PRR30: variants seen among roughly 807,000 people sequenced by gnomAD.
The protein encoded by PRR30 is proline-rich protein 30.
For missense variants in PRR30, 546 were observed against 525.3 expected (o/e 1.04, Z -0.39); for synonymous variants, 229 against 222.7 (o/e 1.03, Z -0.25).
In PRR30 at chr2:27,137,197, G is replaced by A. The variant is rs777036721; in HGVS notation, c.1133C>T (p.Pro378Leu). 6.2e-7 allele frequency: 1 copy of A among 1,614,194 alleles called. No individual in the cohort carries two copies. The highest frequency in any genetic ancestry group is 8.5e-7 in the Non-Finnish European group (1 of 1,180,018). The change falls in exon 3 of 3, where the codon CCA becomes CTA. Residue 378 changes from proline (P) to leucine (L), a missense_variant. By Grantham distance (98) the Pro-to-Leu change is moderately conservative (BLOSUM62 -3). Transcript: ENST00000335524. This position sits in a 1 kb window ranked among gnomAD's most constrained non-coding sequence, Gnocchi z 4.3. ...PNSPRCFSGP[P>L]PRAPKQVTTS... is the part of the protein sequence containing the mutation. The stretch of plus-strand genomic sequence containing the variant: ...AGTGACCTGTTTTGGTGCCCGAGGT[G>A]GAGGCCCGGAGAAACATCGTGGGGA...
Position 27,138,496 on chromosome 2 carries a change from A to G in PRR30, c.-167T>C. 1 of 1,371,894 alleles carries G rather than the reference A, an allele frequency of 7.3e-7. No homozygotes were observed. Among genetic ancestry groups the G allele is most frequent in the Admixed American group, 2.9e-5 (1 of 34,500 alleles). The allele number at this position is 1,371,894 out of a possible 1,614,324, so 85.0% of individuals were successfully genotyped here. Reference sequence around the variant, plus strand: ...GGGTGCAGGTGCTGGTGGCAGGCCAAGGGGATACCCAGCCCTCCAGCACCA... The same window carrying G: ...GGGTGCAGGTGCTGGTGGCAGGCCAGGGGGATACCCAGCCCTCCAGCACCA... On this transcript the variant is annotated 5_prime_UTR_variant, in exon 3 of 3. Coordinates refer to ENST00000335524, the MANE Select transcript of PRR30 (RefSeq NM_178553.4).
rs766147706 is a variant in PRR30 at position 27,138,010 on chromosome 2, C to T, written c.320G>A (p.Arg107His). The T allele has an allele frequency of 5.6e-5, 91 of 1,611,982 alleles. No homozygotes were observed. In the East Asian group the frequency reaches 1.5e-3, roughly 27 times the overall value. Reference sequence around the variant, plus strand: ...GTTGGAGGGAGAGGATGCACGTGGACGGGGGAGAGAGAGGTAGTTCTGGTG... The same window carrying T: ...GTTGGAGGGAGAGGATGCACGTGGATGGGGGAGAGAGAGGTAGTTCTGGTG... ...FFHQNYLSLP[R>H]PRASSPSNHW... Residue 107 changes from arginine to histidine, a missense_variant, in exon 3 of 3, where the codon CGT becomes CAT. By Grantham distance (29) the Arg-to-His change is conservative (BLOSUM62 0). Coordinates refer to ENST00000335524, the MANE Select transcript of PRR30 (RefSeq NM_178553.4).
intron 2 of PRR30, 100 bp from the exon 3 acceptor site, chr2:27,138,794 A>C: frequency 5.8e-6 from 1 of 171,128 alleles, no homozygotes; most frequent in Non-Finnish European, 1.4e-5. Context: ...AAGACTTTAA[A>C]TCCATGTCAC....
Position 27,137,220 on chromosome 2 carries a change from GGA to G in PRR30, c.1108_1109del (p.Ser370ProfsTer102), listed in dbSNP as rs1465106607. ...FRSAGLQSPNSPRCFSGPPPR... is the reference protein window; with the variant it reads ...FRSAGLQSPNXPRCFSGPPPR... ...GTGGAGGCCCGGAGAAACATCGTGG[GGA>G]GTTTGGTGATTGAAGGCCTGCAGAC... On this transcript the variant is annotated frameshift_variant, in exon 3 of 3. Transcript: ENST00000335524. LOFTEE classifies it low-confidence loss of function (END_TRUNC). The surrounding 1 kb of genome is among the most constrained non-coding windows in gnomAD (Gnocchi z 4.3). The G allele has an allele frequency of 6.2e-7, 1 of 1,614,212 alleles. No homozygotes were observed. The highest frequency in any genetic ancestry group is 2.2e-5 in the East Asian group (1 of 44,882).
In PRR30 at chr2:27,137,352, C is replaced by T; in HGVS notation, c.978G>A (p.Lys326=). The T allele has an allele frequency of 5.0e-6, 8 of 1,614,216 alleles. No individual in the cohort carries two copies. Among genetic ancestry groups the T allele is most frequent in the Non-Finnish European group, 6.8e-6 (8 of 1,180,040 alleles). The change falls in exon 3 of 3, where the codon AAG becomes AAA. Residue 326 remains lysine (K), a synonymous_variant. Transcript: ENST00000335524. The surrounding 1 kb of genome is among the most constrained non-coding windows in gnomAD (Gnocchi z 4.3). The part of the protein sequence containing the change: ...KRPKEAGPQG[K]ATQACGHQLP... ...ATTGATGCCCACAGGCCTGAGTAGC[C>T]TTGCCCTGAGGCCCTGCTTCCTTCG...
At position 27,138,084 on chromosome 2, in the gene PRR30, A is replaced by T; in HGVS notation, c.246T>A (p.Phe82Leu). The change falls in exon 3 of 3, where the codon TTT (phenylalanine) becomes TTA (leucine). Residue 82 changes from phenylalanine to leucine, a missense_variant. By Grantham distance (22) the Phe-to-Leu change is conservative. Transcript: ENST00000335524. ...GAGAGGGAGAATAGGGATGTGGAGC[A>T]AAGTCAGAATTTGAGTCACAAGAGC... is the stretch of plus-strand genomic sequence containing the variant. ...QFGSCDSNSDFAPHPYSPSLP... is the reference protein window; with the variant it reads ...QFGSCDSNSDLAPHPYSPSLP... The T allele has an allele frequency of 1.2e-6, 2 of 1,614,064 alleles. No individual in the cohort carries two copies. The highest frequency in any genetic ancestry group is 1.7e-6 in the Non-Finnish European group (2 of 1,180,016).
rs145196119 is a variant in PRR30 at position 27,137,216 on chromosome 2, G to A, written c.1114C>T (p.Arg372Ter). 7.7e-5 allele frequency: 124 copies of A among 1,614,218 alleles called. 1 individual carries two copies. The African/African-American group carries it at 1.2e-3, about 16-fold the overall frequency. Residue 372 changes from arginine to a stop codon, truncating the protein, a stop_gained, in exon 3 of 3, where the codon CGA (arginine) becomes TGA (stop). Transcript: ENST00000335524. LOFTEE classifies it low-confidence loss of function (END_TRUNC). This position sits in a 1 kb window ranked among gnomAD's most constrained non-coding sequence, Gnocchi z 4.3. ...SAGLQSPNSP[R>*]CFSGPPPRAP... The stretch of plus-strand genomic sequence containing the variant: ...CGAGGTGGAGGCCCGGAGAAACATC[G>A]TGGGGAGTTTGGTGATTGAAGGCCT...
chr2:27,137,325 C>T lies in PRR30; in HGVS notation c.1005G>A (p.Leu335=). The T allele has an allele frequency of 6.2e-7, 1 of 1,614,210 alleles. No homozygotes were observed. The highest frequency in any genetic ancestry group is 8.5e-7 in the Non-Finnish European group (1 of 1,180,032). The part of the protein sequence containing the change: ...GKATQACGHQ[L]PASQPPAAQA... Reference sequence around the variant, plus strand: ...GAGCTGCTGGAGGCTGAGATGCTGGCAATTGATGCCCACAGGCCTGAGTAG... The same window carrying T: ...GAGCTGCTGGAGGCTGAGATGCTGGTAATTGATGCCCACAGGCCTGAGTAG... Residue 335 remains leucine, a synonymous_variant, in exon 3 of 3, where the codon TTG becomes TTA. Coordinates refer to ENST00000335524, the MANE Select transcript of PRR30 (RefSeq NM_178553.4). The surrounding 1 kb of genome is among the most constrained non-coding windows in gnomAD (Gnocchi z 4.3).
At position 27,138,157 on chromosome 2, in the gene PRR30, C is replaced by A. The variant is rs538214448; in HGVS notation, c.173G>T (p.Arg58Leu). Reference sequence around the variant, plus strand: ...GGATGCTGGTGGAGGGGAGGAGGGACGACGGGACTGAGTGGAAGAGAACGG... The same window carrying A: ...GGATGCTGGTGGAGGGGAGGAGGGAAGACGGGACTGAGTGGAAGAGAACGG... ...QPPFSSTQSRRPSSPPPASPS... is the reference protein window; with the variant it reads ...QPPFSSTQSRLPSSPPPASPS... Residue 58 changes from arginine (R) to leucine (L), a missense_variant, in exon 3 of 3, where the codon CGT becomes CTT. Transcript: ENST00000335524. 3 of 1,613,434 alleles carry A rather than the reference C, an allele frequency of 1.9e-6. No homozygotes were observed. The highest frequency in any genetic ancestry group is 1.6e-4 in the Middle Eastern group (1 of 6,062).
rs113380452 is a variant in PRR30, at chr2:27,138,111, G to T, written c.219C>A (p.Phe73Leu). ...PPASPSPGFQ[F>L]GSCDSNSDFA... Reference sequence around the variant, plus strand: ...AGTCAGAATTTGAGTCACAAGAGCCGAATTGGAAGCCAGGAGAGGGGGATG... The same window carrying T: ...AGTCAGAATTTGAGTCACAAGAGCCTAATTGGAAGCCAGGAGAGGGGGATG... The change falls in exon 3 of 3, where the codon TTC becomes TTA. Residue 73 changes from phenylalanine (F) to leucine (L), a missense_variant. Physicochemically the swap from Phe to Leu is conservative, Grantham distance 22 (BLOSUM62 0). Transcript: ENST00000335524. The T allele has an allele frequency of 2.5e-6, 4 of 1,613,990 alleles. No homozygotes were observed. In the African/African-American group the frequency reaches 4.0e-5, roughly 16 times the overall value.
At position 27,137,525 on chromosome 2, in the gene PRR30, T is replaced by C; in HGVS notation, c.805A>G (p.Arg269Gly). 3 of 1,592,604 alleles carry C rather than the reference T, an allele frequency of 1.9e-6. No homozygotes were observed. The highest frequency in any genetic ancestry group is 1.7e-6 in the Non-Finnish European group (2 of 1,168,844). Residue 269 changes from arginine to glycine, a missense_variant, in exon 3 of 3, where the codon AGG (arginine) becomes GGG (glycine). Physicochemically the swap from Arg to Gly is moderately radical, Grantham distance 125. Transcript: ENST00000335524. The surrounding 1 kb of genome is among the most constrained non-coding windows in gnomAD (Gnocchi z 4.3). Reference sequence around the variant, plus strand: ...AAAGCAAGCAGCCGGGGTCCAGTCCTGTACCTGGGGAGGGGGCAGGAGGGG... The same window carrying C: ...AAAGCAAGCAGCCGGGGTCCAGTCCCGTACCTGGGGAGGGGGCAGGAGGGG... ...RSPSCPLPRY[R>G]TGPRLLAFPQ...
In PRR30 at chr2:27,138,016, A is replaced by G. The variant is rs1672547693; in HGVS notation, c.314T>C (p.Leu105Pro). ...PTFFHQNYLSLPRPRASSPSN... is the reference protein window; with the variant it reads ...PTFFHQNYLSPPRPRASSPSN... ...GGGAGAGGATGCACGTGGACGGGGGAGAGAGAGGTAGTTCTGGTGAAAGAA... is the reference window on the plus strand; with the variant it reads ...GGGAGAGGATGCACGTGGACGGGGGGGAGAGAGGTAGTTCTGGTGAAAGAA... Residue 105 changes from leucine (L) to proline (P), a missense_variant, in exon 3 of 3, where the codon CTC becomes CCC. Leu to Pro is a moderately conservative substitution (Grantham distance 98). Transcript: ENST00000335524. The G allele has an allele frequency of 1.2e-6, 2 of 1,613,096 alleles. No homozygotes were observed. Among genetic ancestry groups the G allele is most frequent in the Non-Finnish European group, 1.7e-6 (2 of 1,179,768 alleles).
chr2:27,138,599 A>G lies in PRR30; in HGVS notation c.-270T>C. 4.4e-6 allele frequency: 2 copies of G among 458,880 alleles called. No individual in the cohort carries two copies. The highest frequency in any genetic ancestry group is 7.6e-6 in the Non-Finnish European group (2 of 262,382). The allele number at this position is 458,880 out of a possible 1,614,324, so 28.4% of individuals were successfully genotyped here. ...CTTTGCAGTCAACCATTGATGAGGGATGTGTGGGGATGGAGAATCACAGCT... is the reference window on the plus strand; with the variant it reads ...CTTTGCAGTCAACCATTGATGAGGGGTGTGTGGGGATGGAGAATCACAGCT... On this transcript the variant is annotated 5_prime_UTR_variant, in exon 3 of 3. Transcript: ENST00000335524.
chr2:27,137,366 C>T lies in PRR30; in HGVS notation c.964G>A (p.Gly322Arg). ...LLPEKRPKEA[G>R]PQGKATQACG... ...GCCTGAGTAGCCTTGCCCTGAGGCC[C>T]TGCTTCCTTCGGCCTTTTCTCGGGC... The change falls in exon 3 of 3, where the codon GGG becomes AGG. Residue 322 changes from glycine (G) to arginine (R), a missense_variant. Gly to Arg is a moderately radical substitution (Grantham distance 125, BLOSUM62 -2). Transcript: ENST00000335524. The surrounding 1 kb of genome is among the most constrained non-coding windows in gnomAD (Gnocchi z 4.3). 1.9e-6 allele frequency: 3 copies of T among 1,614,166 alleles called. No individual in the cohort carries two copies. Among genetic ancestry groups the T allele is most frequent in the Non-Finnish European group, 2.5e-6 (3 of 1,180,048 alleles).
At position 27,137,196 on chromosome 2, in the gene PRR30, T is replaced by G; in HGVS notation, c.1134A>C (p.Pro378=). ...TAGTGACCTGTTTTGGTGCCCGAGG[T>G]GGAGGCCCGGAGAAACATCGTGGGG... The part of the protein sequence containing the change: ...PNSPRCFSGP[P]PRAPKQVTTS... Residue 378 remains proline (P), a synonymous_variant, in exon 3 of 3, where the codon CCA becomes CCC. Transcript: ENST00000335524. This position sits in a 1 kb window ranked among gnomAD's most constrained non-coding sequence, Gnocchi z 4.3. 2.5e-6 allele frequency: 4 copies of G among 1,614,024 alleles called. No individual in the cohort carries two copies. Among genetic ancestry groups the G allele is most frequent in the Non-Finnish European group, 3.4e-6 (4 of 1,179,992 alleles).
Position 27,138,076 on chromosome 2 carries a change from T to C in PRR30, c.254A>G (p.His85Arg), listed in dbSNP as rs367785900. 9 of 1,613,192 alleles carry C rather than the reference T, an allele frequency of 5.6e-6. No homozygotes were observed. The African/African-American group carries it at 1.2e-4, about 22-fold the overall frequency. ...ACTTGGGAGAGAGGGAGAATAGGGATGTGGAGCAAAGTCAGAATTTGAGTC... is the reference window on the plus strand; with the variant it reads ...ACTTGGGAGAGAGGGAGAATAGGGACGTGGAGCAAAGTCAGAATTTGAGTC... ...SCDSNSDFAPHPYSPSLPSSP... is the reference protein window; with the variant it reads ...SCDSNSDFAPRPYSPSLPSSP... The change falls in exon 3 of 3, where the codon CAT becomes CGT. Residue 85 changes from histidine (H) to arginine (R), a missense_variant. His to Arg is a conservative substitution (Grantham distance 29). Transcript: ENST00000335524.
intron 1 of PRR30, 91 bp from the exon 2 acceptor site, chr2:27,139,113 G>C (rs1672563393): frequency 6.6e-6 from 1 of 152,444 alleles, no homozygotes; most frequent in South Asian, 2.1e-4. Context: ...CCGGGTTTCT[G>C]TCTGAGCCCT....
rs1325106116 is a variant in PRR30 at position 27,137,189 on chromosome 2, C to T, written c.1141G>A (p.Ala381Thr). The change falls in exon 3 of 3, where the codon GCA becomes ACA. Residue 381 changes from alanine (A) to threonine (T), a missense_variant. By Grantham distance (58) the Ala-to-Thr change is moderately conservative. Transcript: ENST00000335524. The surrounding 1 kb of genome is among the most constrained non-coding windows in gnomAD (Gnocchi z 4.3). Reference protein sequence around the residue: ...PRCFSGPPPRAPKQVTTSLKP... With the variant: ...PRCFSGPPPRTPKQVTTSLKP... ...AGGGAGGTAGTGACCTGTTTTGGTG[C>T]CCGAGGTGGAGGCCCGGAGAAACAT... 16 of 1,614,050 alleles carry T rather than the reference C, an allele frequency of 9.9e-6. No homozygotes were observed. The highest frequency in any genetic ancestry group is 1.4e-5 in the Non-Finnish European group (16 of 1,180,032).
rs552356273 is a variant in PRR30, at chr2:27,137,963, G to C, written c.367C>G (p.Pro123Ala). 8.3e-5 allele frequency: 133 copies of C among 1,610,942 alleles called. No individual in the cohort carries two copies. In the Middle Eastern group the frequency reaches 1.2e-3, roughly 14 times the overall value. ...PSNHWLYPSPPLTPSFSPSQP... is the reference protein window; with the variant it reads ...PSNHWLYPSPALTPSFSPSQP... ...GAGGGAGAAAAGGAAGGGGTCAGAG[G>C]GGGAGAGGGGTACAGCCAGTGGTTG... The change falls in exon 3 of 3, where the codon CCT becomes GCT. Residue 123 changes from proline (P) to alanine (A), a missense_variant. Coordinates refer to ENST00000335524, the MANE Select transcript of PRR30 (RefSeq NM_178553.4). The surrounding 1 kb of genome is among the most constrained non-coding windows in gnomAD (Gnocchi z 4.3).
Sources: allele counts gnomAD v4.1 joint callset, GRCh38; gene constraint gnomAD v4.1.1; non-coding constraint Gnocchi (gnomAD v3.1); transcripts MANE v1.5; gene names NCBI Gene and HGNC (gene_info 2026-07-23, HGNC 2026-07-21).